CLUH: variants seen among roughly 807,000 people sequenced by gnomAD.
CLUH encodes the protein CLUH binding protein of NUMT mRNA, also known as clustered mitochondria protein homolog.
In CLUH, 77 loss-of-function variants were observed where a neutral mutation model predicts 139.3. The observed-to-expected ratio is 0.55, with a 90% CI of 0.46 to 0.67. CLUH has a LOEUF of 0.67. Ranked by LOEUF, CLUH falls within the 30% of genes least tolerant of loss-of-function variation. The pLI is 0.00. For synonymous variants in CLUH, 999 were observed against 801.6 expected (o/e 1.25, Z -4.16); for missense variants, 1,876 against 1,875.8 (o/e 1.00, Z 0.00).
chr17:2,692,167 G>A (rs1429454527), intron 22 of CLUH, 70 bp from the exon 23 acceptor site: 6 of 1,488,214 alleles, frequency 4.0e-6, no homozygotes, highest in Non-Finnish European at 4.6e-6. Flanking sequence ...TGACTCGGGG[G>A]CCCGGGGTCT....
At chr17:2,710,031 G>C (rs574244132) in intron 1 of CLUH, among the ~76,000 whole-genome samples, 93 of 147,506 alleles carry the variant, frequency 6.3e-4, no homozygotes, top group African/African-American at 2.2e-3. Flanking sequence ...ACAGACGCTC[G>C]TCAGCCCCCT....
chr17:2,697,803 T>A, intron 10 of CLUH, 93 bp downstream of exon 10: 1 of 1,196,902 alleles, frequency 8.4e-7, no homozygotes, highest in Non-Finnish European at 1.1e-6. Flanking sequence ...TCTCCAGCGC[T>A]TCTCCCTTCA....
At chr17:2,702,830 G>GTT (rs753312011) in intron 3 of CLUH, among the ~76,000 whole-genome samples, 1 of 143,726 alleles carries the variant, frequency 7.0e-6, no homozygotes. Flanking sequence ...CTTTTGTTTT[G>GTT]TTTTTTTTTT....
At position 2,695,100 on chromosome 17, in the gene CLUH, C is replaced by T. The variant is rs912971502; in HGVS notation, c.2609G>A (p.Gly870Glu). 1 of 1,611,928 alleles carries T rather than the reference C, an allele frequency of 6.2e-7. No homozygotes were observed. The highest frequency in any genetic ancestry group is 2.2e-5 in the East Asian group (1 of 44,850). ...AKHIFKTYLQ[G>E]VELSGLSAAI... ...GGCTGAGAGGCCGGAGAGCTCGACT[C>T]CCTGCGAGGCAGGTTGGATCCGAGT... is the stretch of plus-strand genomic sequence containing the variant. The change falls in exon 16 of 26, where the codon GGA becomes GAA. Residue 870 changes from glycine to glutamate, a missense_variant and splice_region_variant. Transcript: ENST00000651024.
rs2069890135 is a variant in CLUH at position 2,695,241 on chromosome 17, G to A, written c.2584C>T (p.His862Tyr). The A allele has an allele frequency of 6.2e-7, 1 of 1,613,904 alleles. No individual in the cohort carries two copies. The highest frequency in any genetic ancestry group is 1.1e-5 in the South Asian group (1 of 91,084). ...ACCTGTAAGTACGTCTTGAAGATGT[G>A]CTTGGCCGAGCGGGTGATGAGTTCT... ...IGELITRSAKHIFKTYLQGVE... is the reference protein window; with the variant it reads ...IGELITRSAKYIFKTYLQGVE... Residue 862 changes from histidine (H) to tyrosine (Y), a missense_variant, in exon 15 of 26, where the codon CAC (histidine) becomes TAC (tyrosine). Around this residue, in one of 3 missense-constraint regions of CLUH, gnomAD observed 1,454 missense variants for 1,384.4 expected, o/e 1.05. Transcript: ENST00000651024.
In CLUH at chr17:2,695,316, C is replaced by T. The variant is rs1426909156; in HGVS notation, c.2545-36G>A. The T allele has an allele frequency of 2.5e-6, 4 of 1,613,486 alleles. No homozygotes were observed. In the Admixed American group the frequency reaches 6.7e-5, roughly 27 times the overall value. On this transcript the variant is annotated intron_variant, in intron 14 of 25. Coordinates refer to ENST00000651024, the MANE Select transcript of CLUH (RefSeq NM_001366661.1). ...TCAGAAGGGAGGTCTTGGTCAGGCC[C>T]CCGGCCTCCATCCCAGTCCCACAGC... is the stretch of plus-strand genomic sequence containing the variant.
Position 2,691,690 on chromosome 17 carries a change from G to A in CLUH, c.3790-8C>T, listed in dbSNP as rs372109448. 8 of 1,611,616 alleles carry A rather than the reference G, an allele frequency of 5.0e-6. No individual in the cohort carries two copies. Among genetic ancestry groups the A allele is most frequent in the East Asian group, 2.2e-5 (1 of 44,808 alleles). On this transcript the variant is annotated splice_region_variant and splice_polypyrimidine_tract_variant and intron_variant, in intron 24 of 25. Coordinates refer to ENST00000651024, the MANE Select transcript of CLUH (RefSeq NM_001366661.1). ...CATGCTGGGGGCCGTGAACTGCGGG[G>A]CGGGGAAACCAGCGGTGAGCGGGGC...
chr17:2,691,921 GCCCCCCCGTGCCCCCGCGGCCCCGC>G lies in CLUH; in HGVS notation c.3655-51_3655-27del, dbSNP rs768477874. 1.1e-3 allele frequency: 1,635 copies of G among 1,437,600 alleles called. 56 individuals are homozygous for G. The South Asian group carries it at 0.017, about 15-fold the overall frequency. 89.1% of individuals were successfully genotyped at this position (1,437,600 alleles called of 1,614,324 possible). ...CTGCGGGGAGGCGGGAAGGGATCAG[GCCCCCCCGTGCCCCCGCGGCCCCGC>G]CCCCGCCCCGCCACGCCCCCGCCCC... On this transcript the variant is annotated intron_variant, in intron 23 of 25. Transcript: ENST00000651024.
rs1007589526 is a variant in CLUH at position 2,707,936 on chromosome 17, C to T, written c.101-3372G>A. 4.8e-5 allele frequency: 47 copies of T among 985,446 alleles called. No homozygotes were observed. In the African/African-American group the frequency reaches 5.6e-4, roughly 12 times the overall value. The allele number at this position is 985,446 out of a possible 1,614,324, so 61.0% of individuals were successfully genotyped here. A position where few individuals can be genotyped will look rare whatever the true frequency, so the allele number is the denominator to read the frequency against. On this transcript the variant is annotated intron_variant, in intron 1 of 25. Coordinates refer to ENST00000651024, the MANE Select transcript of CLUH (RefSeq NM_001366661.1). This position sits in a 1 kb window ranked among gnomAD's most constrained non-coding sequence, Gnocchi z 7.4. ...TTCCCAGAGGACAACTGCACCCGTG[C>T]CCCTGGCCTCCAGGCTCCATCAAGA...
rs1017528402 is a variant in CLUH at position 2,690,412 on chromosome 17, C to A, written c.*182G>T. On this transcript the variant is annotated 3_prime_UTR_variant, in exon 26 of 26. Transcript: ENST00000651024. ...CTGCATCATCTATTCATTGAACCAGCGCAAAAACACCTTCTGCGGGGCAGG... is the reference window on the plus strand; with the variant it reads ...CTGCATCATCTATTCATTGAACCAGAGCAAAAACACCTTCTGCGGGGCAGG... The A allele has an allele frequency of 3.8e-5, 18 of 470,748 alleles. No individual in the cohort carries two copies. The South Asian group carries it at 8.0e-4, about 21-fold the overall frequency. The allele number at this position is 470,748 out of a possible 1,614,324, so 29.2% of individuals were successfully genotyped here.
chr17:2,689,827 C>T lies in CLUH; in HGVS notation c.*767G>A, dbSNP rs934615420. ...CCGGCCCACTGTGCGTTCGGCAGCT[C>T]AGGTTAAAACTGAGGGGAGGGATAC... On this transcript the variant is annotated 3_prime_UTR_variant, in exon 26 of 26. Transcript: ENST00000651024. The T allele has an allele frequency of 6.5e-6, 1 of 152,732 alleles. No homozygotes were observed. The highest frequency in any genetic ancestry group is 6.5e-5 in the Admixed American group (1 of 15,288). 9.5% of individuals were successfully genotyped at this position (152,732 alleles called of 1,614,324 possible).
chr17:2,694,760 G>T, intron 16 of CLUH, 97 bp downstream of exon 16: 1 of 1,426,714 alleles, frequency 7.0e-7, no homozygotes, highest in Non-Finnish European at 9.3e-7. Context: ...TGACTCCCTG[G>T]CCTATGACCA....
chr17:2,691,418 C>T (rs553033430), intron 25 of CLUH, 191 bp downstream of exon 25: 17 of 588,112 alleles, frequency 2.9e-5, no homozygotes, highest in African/African-American at 2.1e-4. Flanking sequence ...AAAAATGAGC[C>T]GGGCGAGGTG....
Position 2,694,048 on chromosome 17 carries a change from C to G in CLUH, c.3092-9G>C. 6.2e-7 allele frequency: 1 copy of G among 1,613,832 alleles called. No homozygotes were observed. On this transcript the variant is annotated splice_polypyrimidine_tract_variant and intron_variant, in intron 18 of 25. Transcript: ENST00000651024. The stretch of plus-strand genomic sequence containing the variant: ...GCCCTCCTTCAGGAAGCCTGCAGGG[C>G]ACCCCCAGGGGTGGCAAGGTCAGGA...
At chr17:2,692,548 C>T (rs201814829) in intron 21 of CLUH, 23 bp downstream of exon 21, 3 of 1,602,242 alleles carry the variant, frequency 1.9e-6, no homozygotes, top group South Asian at 2.2e-5. Flanking sequence ...GGGTCCCTGC[C>T]GCCCCCCCGC....
At chr17:2,702,078 G>A (rs746531357) in intron 3 of CLUH, 21 bp from the exon 4 acceptor site, 21 of 1,610,924 alleles carry the variant, frequency 1.3e-5, no homozygotes, top group South Asian at 2.2e-5. Context: ...GGCAGGGAGG[G>A]TATGGCGTTA....
intron 25 of CLUH, 98 bp from the exon 26 acceptor site, chr17:2,690,875 TC>T: frequency 1.0e-6 from 1 of 961,874 alleles, no homozygotes; most frequent in Non-Finnish European, 1.4e-6. Context: ...GGCTCTGCGC[TC>T]TATTCAGTGG....
rs1445952562 is a variant in CLUH at position 2,701,796 on chromosome 17, C to A, written c.620-59G>T. 2.6e-6 allele frequency: 4 copies of A among 1,561,028 alleles called. No individual in the cohort carries two copies. In the African/African-American group the frequency reaches 5.4e-5, roughly 21 times the overall value. On this transcript the variant is annotated intron_variant, in intron 4 of 25. Coordinates refer to ENST00000651024, the MANE Select transcript of CLUH (RefSeq NM_001366661.1). ...CCACCCAGGGCCAGCTGTCTCCCTA[C>A]CTCCTGATGGCCGTGGTCCGGGTGC...
intron 9 of CLUH, among the ~76,000 whole-genome samples, chr17:2,698,816 G>C (rs2151708549): frequency 6.6e-6 from 1 of 152,252 alleles, no homozygotes; most frequent in Middle Eastern, 3.4e-3. Flanking sequence ...GGCCGAGGCG[G>C]TCAGACCACT....
Sources: allele counts gnomAD v4.1 joint callset (sites outside exome capture counted in the v4.1 genomes callset), GRCh38; gene constraint gnomAD v4.1.1; regional missense constraint gnomAD v4.1.1; non-coding constraint Gnocchi (gnomAD v3.1); transcripts MANE v1.5; gene names NCBI Gene and HGNC (gene_info 2026-07-23, HGNC 2026-07-21).